The following MAD1L1 variants were observed in gnomAD, a reference collection of about 807,000 sequenced individuals.
MAD1L1 encodes mitotic spindle assembly checkpoint protein MAD1.
In MAD1L1, 95 loss-of-function variants were observed where a neutral mutation model predicts 96.9. The observed-to-expected ratio is 0.98, with a 90% CI of 0.83 to 1.16. MAD1L1 has a LOEUF of 1.16. Ranked by LOEUF, MAD1L1 falls within the 50% of genes most tolerant of loss-of-function variation. The pLI is 0.00. For missense variants in MAD1L1, 1,007 were observed against 954.4 expected (o/e 1.06, Z -0.73); for synonymous variants, 473 against 396.6 (o/e 1.19, Z -2.29).
chr7:2,041,292 T>C (rs188939320), intron 12 of MAD1L1, among the ~76,000 whole-genome samples: 26 of 152,290 alleles, frequency 1.7e-4, no homozygotes, highest in African/African-American at 5.8e-4. Flanking sequence ...CCTACAGCTC[T>C]GGGATGTCCT....
At chr7:2,228,654 C>T (rs202198154) in intron 3 of MAD1L1, among the ~76,000 whole-genome samples, 5 of 80,532 alleles carry the variant, frequency 6.2e-5, no homozygotes, top group African/African-American at 2.2e-4. Flanking sequence ...TATATATATA[C>T]ACACACACAT....
chr7:1,857,159 C>A lies in MAD1L1; in HGVS notation c.1999-40931G>T, dbSNP rs562926965. On this transcript the variant is annotated intron_variant, in intron 18 of 18. Coordinates refer to ENST00000265854, the MANE Select transcript of MAD1L1 (RefSeq NM_001013836.2). ...TCCTCACCAACAGCAGCCAGAGCCA[C>A]GGTTTCTTAGGCAAGAGCCGCGAGC... 4.6e-5 allele frequency among the ~76,000 whole-genome samples: 7 copies of A among 152,330 alleles called. No homozygotes were observed. In the South Asian group the frequency reaches 1.4e-3, roughly 32 times the overall value.
chr7:1,891,091 G>A (rs1304622114), intron 18 of MAD1L1, among the ~76,000 whole-genome samples: 1 of 152,188 alleles, frequency 6.6e-6, no homozygotes, highest in Non-Finnish European at 1.5e-5. Context: ...GGGAAAAAAG[G>A]GTGCACAGAA....
In MAD1L1 at chr7:1,957,701, C is replaced by T. The variant is rs1779787956; in HGVS notation, c.1524G>A (p.Leu508=). ...CCTCCAGCCGACTCCGCTCGCCTTC[C>T]AGCTCCTCGACCTTCAACCTGCAAG... ...ADTLRLKVEE[L]EGERSRLEEE... is the part of the protein sequence containing the mutation. Residue 508 remains leucine, a synonymous_variant, in exon 16 of 19, where the codon CTG becomes CTA. Coordinates refer to ENST00000265854, the MANE Select transcript of MAD1L1 (RefSeq NM_001013836.2). 10 of 1,614,174 alleles carry T rather than the reference C, an allele frequency of 6.2e-6. No homozygotes were observed. The highest frequency in any genetic ancestry group is 7.6e-6 in the Non-Finnish European group (9 of 1,180,044).
chr7:1,971,122 C>T (rs563867212), intron 15 of MAD1L1, among the ~76,000 whole-genome samples: 1 of 152,316 alleles, frequency 6.6e-6, no homozygotes, highest in Non-Finnish European at 1.5e-5. Flanking sequence ...CCTTAAACCC[C>T]GTCTCAGGCC....
intron 11 of MAD1L1, among the ~76,000 whole-genome samples, chr7:2,127,096 C>G (rs989666615): frequency 2.0e-5 from 3 of 152,202 alleles, no homozygotes; most frequent in African/African-American, 7.2e-5. Flanking sequence ...TGGAGGGGGC[C>G]TCTCAGTGAC....
chr7:2,225,701 TG>T, intron 3 of MAD1L1, 151 bp from the exon 4 acceptor site: 1 of 811,298 alleles, frequency 1.2e-6, no homozygotes, highest in South Asian at 1.8e-5. Flanking sequence ...GGCTCCAGGC[TG>T]GGGAACAGGG....
At chr7:2,095,406 G>C (rs1378250896) in intron 11 of MAD1L1, among the ~76,000 whole-genome samples, 1 of 152,188 alleles carries the variant, frequency 6.6e-6, no homozygotes, top group Non-Finnish European at 1.5e-5. Flanking sequence ...AAAAGAAAAA[G>C]CCAAGCACAC....
intron 11 of MAD1L1, among the ~76,000 whole-genome samples, chr7:2,101,622 T>C (rs1379660469): frequency 6.6e-6 from 1 of 152,100 alleles, no homozygotes; most frequent in Non-Finnish European, 1.5e-5. Context: ...GGGGCTCCAT[T>C]CCTAAAGGGC....
chr7:1,990,340 C>T (rs902300040), intron 14 of MAD1L1, among the ~76,000 whole-genome samples: 7 of 152,190 alleles, frequency 4.6e-5, no homozygotes, highest in South Asian at 2.1e-4. Flanking sequence ...GCCACCTTTC[C>T]GCTCAACTCT....
intron 11 of MAD1L1, chr7:2,109,404 C>T (rs371525831): frequency 1.2e-4 from 18 of 152,354 alleles, no homozygotes; most frequent in African/African-American, 4.3e-4. Context: ...GAGCCCCACG[C>T]CCGCCAACCC....
In MAD1L1 at chr7:1,949,688, C is replaced by G. The variant is rs775623098; in HGVS notation, c.1596+7941G>C. ...TCTCCTCTAAAAAGCTGCTCTCATCCGTTTCTCTGCAGATACGCCCAGGAA... is the reference window on the plus strand; with the variant it reads ...TCTCCTCTAAAAAGCTGCTCTCATCGGTTTCTCTGCAGATACGCCCAGGAA... On this transcript the variant is annotated intron_variant, in intron 16 of 18. Transcript: ENST00000265854. Among the ~76,000 whole-genome samples, 3 of 152,240 alleles carry G rather than the reference C, an allele frequency of 2.0e-5. No homozygotes were observed. The South Asian group carries it at 6.2e-4, about 31-fold the overall frequency.
At chr7:2,070,186 G>A (rs11772627) in intron 11 of MAD1L1, among the ~76,000 whole-genome samples, 1 of 152,136 alleles carries the variant, frequency 6.6e-6, no homozygotes, top group Admixed American at 6.5e-5. Flanking sequence ...TGTCCTTCAG[G>A]AGCTGACTTG....
At chr7:1,998,082 GA>G (rs1781637992) in intron 14 of MAD1L1, among the ~76,000 whole-genome samples, 1 of 152,150 alleles carries the variant, frequency 6.6e-6, no homozygotes, top group Admixed American at 6.5e-5. Flanking sequence ...GGCTAAAAAA[GA>G]GAAAAAACAC....
chr7:2,022,600 T>C (rs893556317), intron 12 of MAD1L1, among the ~76,000 whole-genome samples: 4 of 151,744 alleles, frequency 2.6e-5, no homozygotes, highest in African/African-American at 7.3e-5. Context: ...AATTAAATCA[T>C]ATAACATGCT....
chr7:2,218,076 C>T (rs1793388442), intron 6 of MAD1L1, 33 bp from the exon 7 acceptor site: 1 of 1,549,036 alleles, frequency 6.5e-7, no homozygotes, highest in African/African-American at 1.4e-5. Context: ...CACACAGAAA[C>T]AGGCATGCGG....
chr7:1,963,810 G>A (rs1434701303), intron 15 of MAD1L1, among the ~76,000 whole-genome samples: 1 of 152,184 alleles, frequency 6.6e-6, no homozygotes, highest in African/African-American at 2.4e-5. Context: ...CAGCAACAAT[G>A]CTTCGCTCCT....
Position 2,160,719 on chromosome 7 carries a change from G to A in MAD1L1, c.987-11481C>T, listed in dbSNP as rs557290769. ...ATGACCTCAGCTCACTGGAATCTCCGCTCTCCTGCCTCAGCCTCCAGAGTA... is the reference window on the plus strand; with the variant it reads ...ATGACCTCAGCTCACTGGAATCTCCACTCTCCTGCCTCAGCCTCCAGAGTA... On this transcript the variant is annotated intron_variant, in intron 10 of 18. Transcript: ENST00000265854. Among the ~76,000 whole-genome samples, 52 of 151,718 alleles carry A rather than the reference G, an allele frequency of 3.4e-4. No individual in the cohort carries two copies. The South Asian group carries it at 6.1e-3, about 18-fold the overall frequency.
chr7:2,135,180 G>A (rs572943722), intron 11 of MAD1L1, among the ~76,000 whole-genome samples: 16 of 152,354 alleles, frequency 1.1e-4, no homozygotes, highest in Non-Finnish European at 1.8e-4. Flanking sequence ...AGGCAAGGCT[G>A]AGCAGAACCT....
Sources: allele counts gnomAD v4.1 joint callset (sites outside exome capture counted in the v4.1 genomes callset), GRCh38; gene constraint gnomAD v4.1.1; transcripts MANE v1.5; gene names NCBI Gene and HGNC (gene_info 2026-07-23, HGNC 2026-07-21).